The following HOMER3 variants were observed in gnomAD, a reference collection of about 807,000 sequenced individuals.
HOMER3 encodes the protein homer scaffold protein 3.
In HOMER3, 34 loss-of-function variants were observed where a neutral mutation model predicts 45.5. The ratio of observed to expected loss-of-function variants is 0.75; its 90% CI spans 0.57 to 1.00. The LOEUF is 1.00. Ranked by LOEUF, HOMER3 falls within the 50% of genes least tolerant of loss-of-function variation. The pLI is 0.00. For synonymous variants in HOMER3, 223 were observed against 208.8 expected (o/e 1.07, Z -0.58); for missense variants, 480 against 497.5 (o/e 0.96, Z 0.33).
rs770847447 is a variant in HOMER3, at chr19:18,931,636, G to C, written c.691-11C>G. 1.4e-5 allele frequency: 23 copies of C among 1,589,866 alleles called. No individual in the cohort carries two copies. Among genetic ancestry groups the C allele is most frequent in the Admixed American group, 3.6e-5 (2 of 56,136 alleles). ...CTCCAGCTCAGCCACCTGTAGGGCA[G>C]GAATAGCAGCCCCTGACGCCCCCGC... On this transcript the variant is annotated splice_polypyrimidine_tract_variant and intron_variant, in intron 7 of 9. Transcript: ENST00000392351.
At chr19:18,938,617 T>C in intron 3 of HOMER3, 111 bp downstream of exon 3, 1 of 1,498,604 alleles carries the variant, frequency 6.7e-7, no homozygotes, top group Non-Finnish European at 9.1e-7. Flanking sequence ...GACTAGGGCC[T>C]GGGAAGGCTT....
chr19:18,932,683 G>C lies in HOMER3; in HGVS notation c.533+241C>G, dbSNP rs933380041. Among the ~76,000 whole-genome samples, 4 of 152,024 alleles carry C rather than the reference G, an allele frequency of 2.6e-5. No homozygotes were observed. The South Asian group carries it at 6.2e-4, about 24-fold the overall frequency. On this transcript the variant is annotated intron_variant, in intron 6 of 9. Transcript: ENST00000392351. ...ATCCTAAGACCAGAGAGGCATCGAC[G>C]GGGCGAGGTTAGCAGCGAGAAGAGA...
At chr19:18,935,894 C>G (rs1183186970) in intron 4 of HOMER3, among the ~76,000 whole-genome samples, 1 of 145,510 alleles carries the variant, frequency 6.9e-6, no homozygotes, top group Non-Finnish European at 1.5e-5. Context: ...GTGGTGGGCG[C>G]CTGTAATCCT....
chr19:18,939,296 C>T, intron 1 of HOMER3: 1 of 344,614 alleles, frequency 2.9e-6, no homozygotes, highest in South Asian at 6.2e-5. Context: ...AAACAATTAG[C>T]TGGGTGTGGT....
chr19:18,931,622 C>A lies in HOMER3; in HGVS notation c.694G>T (p.Ala232Ser). The change falls in exon 8 of 10, where the codon GCT (alanine) becomes TCT (serine). Residue 232 changes from alanine (A) to serine (S), a missense_variant. Physicochemically the swap from Ala to Ser is moderately conservative, Grantham distance 99. Coordinates refer to ENST00000392351, the MANE Select transcript of HOMER3 (RefSeq NM_004838.4). ...AEAERLRQRV[A>S]ELEAQAASEV... ...GAAGCTGCCTGAGCCTCCAGCTCAG[C>A]CACCTGTAGGGCAGGAATAGCAGCC... 1 of 1,604,106 alleles carries A rather than the reference C, an allele frequency of 6.2e-7. No individual in the cohort carries two copies. Among genetic ancestry groups the A allele is most frequent in the Non-Finnish European group, 8.5e-7 (1 of 1,175,490 alleles).
intron 4 of HOMER3, among the ~76,000 whole-genome samples, chr19:18,937,217 G>A (rs748457665): frequency 9.8e-4 from 148 of 150,258 alleles, no homozygotes; most frequent in Non-Finnish European, 1.8e-3. Flanking sequence ...AGGCTGAGGT[G>A]GGAGGATCCC....
intron 9 of HOMER3, among the ~76,000 whole-genome samples, chr19:18,930,433 A>G (rs2057018903): frequency 6.6e-6 from 1 of 150,966 alleles, no homozygotes; most frequent in South Asian, 2.1e-4. Flanking sequence ...CTGTAGTTCC[A>G]GCTACTCGGG....
At chr19:18,932,259 G>C in intron 6 of HOMER3, 127 bp from the exon 7 acceptor site, 1 of 1,022,254 alleles carries the variant, frequency 9.8e-7, no homozygotes. Flanking sequence ...AGGCTGGCGA[G>C]GGTGCGGAGT....
At chr19:18,930,467 G>A (rs965895092) in intron 9 of HOMER3, among the ~76,000 whole-genome samples, 7 of 150,744 alleles carry the variant, frequency 4.6e-5, no homozygotes, top group African/African-American at 1.7e-4. Flanking sequence ...AGAATGGAGT[G>A]AACCTGGGAG....
Position 18,938,996 on chromosome 19 carries a change from A to G in HOMER3, c.-14T>C. 5.7e-6 allele frequency: 9 copies of G among 1,577,628 alleles called. No homozygotes were observed. Among genetic ancestry groups the G allele is most frequent in the Non-Finnish European group, 7.7e-6 (9 of 1,162,040 alleles). On this transcript the variant is annotated 5_prime_UTR_variant, in exon 2 of 10. Transcript: ENST00000392351. Reference sequence around the variant, plus strand: ...GGCTGTGGACATTGGTCAGGCTGGGATGGGCAGGCTCTAGGGGGCAGCCAG... The same window carrying G: ...GGCTGTGGACATTGGTCAGGCTGGGGTGGGCAGGCTCTAGGGGGCAGCCAG...
chr19:18,931,253 A>C, intron 9 of HOMER3, 72 bp downstream of exon 9: 395 of 1,262,834 alleles, frequency 3.1e-4, no homozygotes, highest in Non-Finnish European at 4.2e-4. Context: ...CATCTTAGGT[A>C]GATATTGTCC....
chr19:18,940,385 C>G, intron 1 of HOMER3: 1 of 152,274 alleles, frequency 6.6e-6, no homozygotes, highest in Non-Finnish European at 1.5e-5. Context: ...CGACACCGCC[C>G]GGTGCCCGGG....
In HOMER3 at chr19:18,939,027, T is replaced by A; in HGVS notation, c.-45A>T. ...AGGCTCTAGGGGGCAGCCAGAGAGG[T>A]GGCAGGAGCACTGGTTTGGCCCCTA... On this transcript the variant is annotated 5_prime_UTR_variant, in exon 2 of 10. Transcript: ENST00000392351. The A allele has an allele frequency of 6.5e-7, 1 of 1,535,958 alleles. No individual in the cohort carries two copies. The highest frequency in any genetic ancestry group is 8.8e-7 in the Non-Finnish European group (1 of 1,142,494).
chr19:18,930,924 C>T (rs1243002437), intron 9 of HOMER3, among the ~76,000 whole-genome samples: 5 of 152,034 alleles, frequency 3.3e-5, no homozygotes, highest in Admixed American at 6.6e-5. Context: ...AGGAGAATTG[C>T]TTCAACCCGG....
chr19:18,934,299 T>A lies in HOMER3; in HGVS notation c.411+4A>T. On this transcript the variant is annotated splice_donor_region_variant and intron_variant, in intron 5 of 9. Transcript: ENST00000392351. Reference sequence around the variant, plus strand: ...GCAGGCATAGGGGAGTAGGGAGTGCTGACCTGGTGGGAGGCGAGCCCCAGG... The same window carrying A: ...GCAGGCATAGGGGAGTAGGGAGTGCAGACCTGGTGGGAGGCGAGCCCCAGG... 1 of 1,497,572 alleles carries A rather than the reference T, an allele frequency of 6.7e-7. No homozygotes were observed. The highest frequency in any genetic ancestry group is 2.6e-5 in the East Asian group (1 of 38,632). 92.8% of individuals were successfully genotyped at this position (1,497,572 alleles called of 1,614,324 possible).
At chr19:18,935,554 A>T (rs1321473327) in intron 4 of HOMER3, among the ~76,000 whole-genome samples, 1 of 152,132 alleles carries the variant, frequency 6.6e-6, no homozygotes, top group Admixed American at 6.6e-5. Context: ...GCTCTGAGAG[A>T]CATCAGAAGT....
rs565118952 is a variant in HOMER3, at chr19:18,929,206, G to A, written c.*237C>T. The A allele has an allele frequency of 1.7e-4, 130 of 760,816 alleles. 1 individual carries two copies. The highest frequency in any genetic ancestry group is 1.4e-3 in the Admixed American group (82 of 58,726). 47.1% of individuals were successfully genotyped at this position (760,816 alleles called of 1,614,324 possible). A position where few individuals can be genotyped will look rare whatever the true frequency, so the allele number is the denominator to read the frequency against. ...CCACATACCACACACACACAGCCACGCTTAGAAATGTAATCGGGGGATCTA... is the reference window on the plus strand; with the variant it reads ...CCACATACCACACACACACAGCCACACTTAGAAATGTAATCGGGGGATCTA... On this transcript the variant is annotated 3_prime_UTR_variant, in exon 10 of 10. Coordinates refer to ENST00000392351, the MANE Select transcript of HOMER3 (RefSeq NM_004838.4).
At chr19:18,934,246 A>G in intron 5 of HOMER3, 57 bp downstream of exon 5, 2 of 1,027,488 alleles carry the variant, frequency 1.9e-6, no homozygotes, top group Non-Finnish European at 2.7e-6. Context: ...ATATCAGTTG[A>G]GCGCCTGGCT....
rs1298476753 is a variant in HOMER3, at chr19:18,933,109, G to T, written c.412-64C>A. 9 of 1,408,574 alleles carry T rather than the reference G, an allele frequency of 6.4e-6. No homozygotes were observed. The African/African-American group carries it at 1.2e-4, about 19-fold the overall frequency. 87.3% of individuals were successfully genotyped at this position (1,408,574 alleles called of 1,614,324 possible). A position where few individuals can be genotyped will look rare whatever the true frequency, so the allele number is the denominator to read the frequency against. ...AGCTGGGATCAAGGCTGATGTGACT[G>T]GGGTCGTCACATCGGGGGTGCAATT... is the stretch of plus-strand genomic sequence containing the variant. On this transcript the variant is annotated intron_variant, in intron 5 of 9. Transcript: ENST00000392351.
Sources: allele counts gnomAD v4.1 joint callset (sites outside exome capture counted in the v4.1 genomes callset), GRCh38; gene constraint gnomAD v4.1.1; transcripts MANE v1.5; gene names NCBI Gene and HGNC (gene_info 2026-07-23, HGNC 2026-07-21).